DIP2C: variants seen among roughly 807,000 people sequenced by gnomAD.
The protein encoded by DIP2C is DIP2 acetate--CoA ligase C (putative), also known as disco-interacting protein 2 homolog C.
Under a neutral mutation model 192.4 loss-of-function variants are expected in DIP2C, and 33 were observed. The observed-to-expected ratio is 0.17, with a 90% CI of 0.13 to 0.23. The LOEUF (loss-of-function observed/expected upper bound fraction) is 0.23. Ranked by LOEUF, DIP2C falls within the 10% of genes least tolerant of loss-of-function variation. The probability of loss-of-function intolerance (pLI) is 1.00; values close to 1 mark genes in which losing one functional copy is unlikely to be tolerated. For synonymous variants in DIP2C, 979 were observed against 864.1 expected (o/e 1.13, Z -2.33); for missense variants, 1,537 against 2,110.1 (o/e 0.73, Z 5.32).
chr10:552,780 C>T (rs1192675094), intron 1 of DIP2C, among the ~76,000 whole-genome samples: 1 of 152,182 alleles, frequency 6.6e-6, no homozygotes, highest in Admixed American at 6.5e-5. Flanking sequence ...ACCGGGGAGG[C>T]GGAGCTTGCA....
chr10:385,599 C>T (rs922082879), intron 14 of DIP2C, among the ~76,000 whole-genome samples: 10 of 152,138 alleles, frequency 6.6e-5, no homozygotes, highest in African/African-American at 1.9e-4. Context: ...GGCCTTGCTG[C>T]GGCAGATTAC....
intron 1 of DIP2C, among the ~76,000 whole-genome samples, chr10:604,675 T>C (rs1030199626): frequency 1.4e-4 from 22 of 152,384 alleles, no homozygotes; most frequent in Non-Finnish European, 2.4e-4. Flanking sequence ...CAAAAAGTTC[T>C]CTAATTAAAT....
intron 1 of DIP2C, among the ~76,000 whole-genome samples, chr10:609,996 C>T (rs938252626): frequency 2.0e-5 from 3 of 152,036 alleles, no homozygotes; most frequent in Non-Finnish European, 2.9e-5. Flanking sequence ...AAGTGGCTCA[C>T]GTCCCCCAAA....
chr10:486,968 C>G (rs1027060418), intron 1 of DIP2C, among the ~76,000 whole-genome samples: 3 of 152,186 alleles, frequency 2.0e-5, no homozygotes, highest in African/African-American at 7.2e-5. Context: ...CCAAGCAGGT[C>G]GGTCACAAGG....
At chr10:472,768 C>CT (rs1037236400) in intron 2 of DIP2C, among the ~76,000 whole-genome samples, 9 of 152,138 alleles carry the variant, frequency 5.9e-5, no homozygotes, top group African/African-American at 2.2e-4. Context: ...GCCACGGTCC[C>CT]TTTCACAGCA....
intron 14 of DIP2C, among the ~76,000 whole-genome samples, chr10:387,430 A>C (rs545270933): frequency 2.5e-4 from 38 of 152,002 alleles, no homozygotes; most frequent in Non-Finnish European, 5.0e-4. Context: ...TCCTACACCC[A>C]GCACACTCCT....
In DIP2C at chr10:586,420, C is replaced by A. The variant is rs1401196364; in HGVS notation, c.86-99890G>T. Among the ~76,000 whole-genome samples the A allele has an allele frequency of 2.6e-5, 4 of 152,290 alleles. No homozygotes were observed. In the East Asian group the frequency reaches 7.7e-4, roughly 29 times the overall value. On this transcript the variant is annotated intron_variant, in intron 1 of 36. Coordinates refer to ENST00000280886, the MANE Select transcript of DIP2C (RefSeq NM_014974.3). ...AGGGGCTTCCTCAGGGACCACCAACCTCACGCCACCACCCCTCACTACTTC... is the reference window on the plus strand; with the variant it reads ...AGGGGCTTCCTCAGGGACCACCAACATCACGCCACCACCCCTCACTACTTC...
intron 1 of DIP2C, among the ~76,000 whole-genome samples, chr10:501,309 G>T (rs536756035): frequency 2.1e-5 from 3 of 143,086 alleles, no homozygotes; most frequent in South Asian, 4.5e-4. Context: ...TTATTAAGTG[G>T]CAATAATTAA....
intron 1 of DIP2C, among the ~76,000 whole-genome samples, chr10:594,206 G>A (rs1170562185): frequency 1.3e-5 from 2 of 152,202 alleles, no homozygotes; most frequent in Non-Finnish European, 2.9e-5. Context: ...CCTCGGTTAA[G>A]TCAGCTCCAT....
chr10:305,173 T>G (rs866108723), intron 32 of DIP2C, among the ~76,000 whole-genome samples: 12 of 152,206 alleles, frequency 7.9e-5, no homozygotes, highest in Admixed American at 6.5e-4. Context: ...CATACTCTCA[T>G]GCATATATGC....
At chr10:362,143 G>A (rs1959609422) in intron 22 of DIP2C, among the ~76,000 whole-genome samples, 1 of 152,160 alleles carries the variant, frequency 6.6e-6, no homozygotes, top group Admixed American at 6.5e-5. Flanking sequence ...GGTCAGAAAT[G>A]AAAGAGCAAC....
At chr10:618,356 A>G (rs1853609984) in intron 1 of DIP2C, among the ~76,000 whole-genome samples, 1 of 152,212 alleles carries the variant, frequency 6.6e-6, no homozygotes. Context: ...GCTGAAACAC[A>G]ACCAAGCTCC....
At chr10:573,653 G>A (rs185414086) in intron 1 of DIP2C, among the ~76,000 whole-genome samples, 5 of 152,078 alleles carry the variant, frequency 3.3e-5, no homozygotes, top group East Asian at 1.9e-4. Context: ...CAAGCAATCC[G>A]CCCGCCTCGG....
intron 1 of DIP2C, among the ~76,000 whole-genome samples, chr10:684,025 A>C (rs898316346): frequency 8.5e-5 from 13 of 152,234 alleles, no homozygotes; most frequent in Non-Finnish European, 1.3e-4. Context: ...TCGGGCCCCT[A>C]ACGGCACCTG....
chr10:665,288 C>T (rs1857017079), intron 1 of DIP2C: 1 of 151,992 alleles, frequency 6.6e-6, no homozygotes, highest in Non-Finnish European at 1.5e-5. Context: ...TTATTAACCT[C>T]ACTCTACAGC....
chr10:472,696 G>T, intron 2 of DIP2C, 147 bp from the exon 3 acceptor site: 1 of 693,246 alleles, frequency 1.4e-6, no homozygotes, highest in Non-Finnish European at 2.5e-6. Context: ...CCACAGACAG[G>T]AGGGCCAGGA....
chr10:593,877 T>C (rs1178567289), intron 1 of DIP2C, among the ~76,000 whole-genome samples: 3 of 152,212 alleles, frequency 2.0e-5, no homozygotes, highest in Non-Finnish European at 4.4e-5. Flanking sequence ...GGGACTCGAA[T>C]GTCTTCTGAA....
intron 26 of DIP2C, 128 bp downstream of exon 26, chr10:348,513 G>A (rs1014362263): frequency 2.1e-5 from 30 of 1,451,670 alleles, no homozygotes; most frequent in African/African-American, 2.8e-5. Flanking sequence ...TGTCCTGACC[G>A]TTTGACTCCA....
At chr10:558,905 C>G (rs891529215) in intron 1 of DIP2C, among the ~76,000 whole-genome samples, 1 of 152,104 alleles carries the variant, frequency 6.6e-6, no homozygotes, top group Non-Finnish European at 1.5e-5. Context: ...CAGCAGGACC[C>G]CAGACACCAC....
Sources: gnomAD v4.1 joint callset for allele counts (sites outside exome capture counted in the v4.1 genomes callset) on GRCh38, gnomAD v4.1.1 for gene constraint, MANE v1.5 for transcripts, NCBI Gene and HGNC (gene_info 2026-07-23, HGNC 2026-07-21) for gene names.